Variants in CD27 observed in about 807,000 individuals in gnomAD.
The protein encoded by CD27 is CD27 antigen.
Under a neutral mutation model 25.9 loss-of-function variants are expected in CD27, and 16 were observed. That is an observed-to-expected ratio of 0.62 (90% CI 0.42 to 0.94). The LOEUF is 0.94. Among genes scored for constraint, CD27 ranks in the 40% least tolerant of loss-of-function variants. The pLI is 0.00. For synonymous variants in CD27, 142 were observed against 124.3 expected (o/e 1.14, Z -0.95); for missense variants, 300 against 333.2 (o/e 0.90, Z 0.78).
rs1207313894 is a variant in CD27 at position 6,450,802 on chromosome 12, G to A, written c.539-93G>A. The A allele has an allele frequency of 5.1e-6, 8 of 1,560,716 alleles. No homozygotes were observed. In the African/African-American group the frequency reaches 1.1e-4, roughly 21 times the overall value. On this transcript the variant is annotated intron_variant, in intron 4 of 5. Coordinates refer to ENST00000266557, the MANE Select transcript of CD27 (RefSeq NM_001242.5). This position sits in a 1 kb window ranked among gnomAD's most constrained non-coding sequence, Gnocchi z 4.1. The stretch of plus-strand genomic sequence containing the variant: ...GGCGGGTGGGATAGAATAAGGTGGG[G>A]GAAAGGGGAGAGGCAAGGTGACAGG...
chr12:6,444,109 C>T (rs1340631745), upstream of CD27, among the ~76,000 whole-genome samples: 2 of 152,150 alleles, frequency 1.3e-5, no homozygotes, highest in East Asian at 3.9e-4. Flanking sequence ...CAGTGACTGA[C>T]ACAGCCAGAG....
At position 6,450,783 on chromosome 12, in the gene CD27, T is replaced by A; in HGVS notation, c.539-112T>A. 6.7e-7 allele frequency: 1 copy of A among 1,503,106 alleles called. No homozygotes were observed. The highest frequency in any genetic ancestry group is 1.4e-5 in the African/African-American group (1 of 72,544). 93.1% of individuals were successfully genotyped at this position (1,503,106 alleles called of 1,614,324 possible). On this transcript the variant is annotated intron_variant, in intron 4 of 5. Coordinates refer to ENST00000266557, the MANE Select transcript of CD27 (RefSeq NM_001242.5). This position sits in a 1 kb window ranked among gnomAD's most constrained non-coding sequence, Gnocchi z 4.1. ...AGAGGAGTTGGCCAACGGTGGCGGG[T>A]GGGATAGAATAAGGTGGGGGAAAGG...
upstream of CD27, chr12:6,444,949 T>C (rs1592117181): frequency 1.3e-6 from 1 of 788,140 alleles, no homozygotes; most frequent in Admixed American, 3.2e-5. Flanking sequence ...ACAATAGAGA[T>C]TCTGCCTTCA....
At chr12:6,449,881 C>T (rs1949488612) in intron 2 of CD27, among the ~76,000 whole-genome samples, 1 of 152,080 alleles carries the variant, frequency 6.6e-6, no homozygotes, top group African/African-American at 2.4e-5. Context: ...AAAAATGTAT[C>T]AGGGAGTACA....
chr12:6,450,374 G>A lies in CD27; in HGVS notation c.448+22G>A. ...AGTGGTAAGTTCCAGGCAACTCTCT[G>A]TGCCATCACGTGGGGTAGCGGTGAT... On this transcript the variant is annotated intron_variant, in intron 3 of 5. Transcript: ENST00000266557. The surrounding 1 kb of genome is among the most constrained non-coding windows in gnomAD (Gnocchi z 4.1). 6.2e-7 allele frequency: 1 copy of A among 1,603,784 alleles called. No individual in the cohort carries two copies. Among genetic ancestry groups the A allele is most frequent in the Non-Finnish European group, 8.5e-7 (1 of 1,175,902 alleles).
Position 6,445,346 on chromosome 12 carries a change from G to T in CD27, c.137-78G>T, listed in dbSNP as rs1183329877. On this transcript the variant is annotated intron_variant, in intron 1 of 5. Transcript: ENST00000266557. This position sits in a 1 kb window ranked among gnomAD's most constrained non-coding sequence, Gnocchi z 4.5. The stretch of plus-strand genomic sequence containing the variant: ...CTCAAGCAAGGAGGGAAATCCTGCA[G>T]CTGTGGGGAGGCACCACCTTGAAGA... 6.2e-7 allele frequency: 1 copy of T among 1,608,378 alleles called. No individual in the cohort carries two copies. Among genetic ancestry groups the T allele is most frequent in the Non-Finnish European group, 8.5e-7 (1 of 1,175,948 alleles).
Position 6,450,911 on chromosome 12 carries a change from C to G in CD27, c.555C>G (p.Cys185Trp). Residue 185 changes from cysteine to tryptophan, a missense_variant, in exon 5 of 6, where the codon TGC (cysteine) becomes TGG (tryptophan). Coordinates refer to ENST00000266557, the MANE Select transcript of CD27 (RefSeq NM_001242.5). The surrounding 1 kb of genome is among the most constrained non-coding windows in gnomAD (Gnocchi z 4.1). ...STHWPPQRSL[C>W]SSDFIRILVI... is the part of the protein sequence containing the mutation. ...CTATTACAGCCCAAAGATCCCTGTG[C>G]AGCTCCGATTTTATTCGCATCCTTG... 1 of 1,614,166 alleles carries G rather than the reference C, an allele frequency of 6.2e-7. No homozygotes were observed.
At position 6,451,299 on chromosome 12, in the gene CD27, G is replaced by A; in HGVS notation, c.690G>A (p.Glu230=). Residue 230 remains glutamate, a synonymous_variant, in exon 6 of 6, where the codon GAG becomes GAA. Transcript: ENST00000266557. The part of the protein sequence containing the change: ...NKGESPVEPA[E]PCHYSCPREE... ...GAGAAAGTCCTGTGGAGCCTGCAGA[G>A]CCTTGTCATTACAGCTGCCCCAGGG... 1 of 1,614,010 alleles carries A rather than the reference G, an allele frequency of 6.2e-7. No homozygotes were observed. The highest frequency in any genetic ancestry group is 8.5e-7 in the Non-Finnish European group (1 of 1,179,948).
intron 2 of CD27, chr12:6,447,656 T>A (rs1592119057): frequency 1.3e-5 from 2 of 152,214 alleles, no homozygotes; most frequent in Admixed American, 6.5e-5. Flanking sequence ...AATTATACTT[T>A]AAGTTCTAGG....
Position 6,450,877 on chromosome 12 carries a change from T to C in CD27, c.539-18T>C. ...GCTAGACCCTCCCCTAACCCCTGTG[T>C]GTCCCCTCCTATTACAGCCCAAAGA... On this transcript the variant is annotated intron_variant, in intron 4 of 5. Transcript: ENST00000266557. This position sits in a 1 kb window ranked among gnomAD's most constrained non-coding sequence, Gnocchi z 4.1. 2 of 1,614,050 alleles carry C rather than the reference T, an allele frequency of 1.2e-6. No homozygotes were observed. Among genetic ancestry groups the C allele is most frequent in the Non-Finnish European group, 1.7e-6 (2 of 1,179,978 alleles).
rs1362246479 is a variant in CD27 at position 6,445,980 on chromosome 12, C to A, written c.268+425C>A. On this transcript the variant is annotated intron_variant, in intron 2 of 5. Transcript: ENST00000266557. The surrounding 1 kb of genome is among the most constrained non-coding windows in gnomAD (Gnocchi z 4.5). ...AACAAAGCAACCCAATAGGTAACAA[C>A]CTTTTTTTGCACAAAAGCCAATTTG... 6.6e-6 allele frequency among the ~76,000 whole-genome samples: 1 copy of A among 151,994 alleles called. No homozygotes were observed. The highest frequency in any genetic ancestry group is 1.5e-5 in the Non-Finnish European group (1 of 68,008).
chr12:6,451,373 A>T lies in CD27; in HGVS notation c.764A>T (p.Glu255Val), dbSNP rs1949544180. 1 of 1,613,260 alleles carries T rather than the reference A, an allele frequency of 6.2e-7. No individual in the cohort carries two copies. Among genetic ancestry groups the T allele is most frequent in the Non-Finnish European group, 8.5e-7 (1 of 1,179,974 alleles). The change falls in exon 6 of 6, where the codon GAG (glutamate) becomes GTG (valine). Residue 255 changes from glutamate (E) to valine (V), a missense_variant. Coordinates refer to ENST00000266557, the MANE Select transcript of CD27 (RefSeq NM_001242.5). ...ATCCAGGAGGATTACCGAAAACCGG[A>T]GCCTGCCTGCTCCCCCTGAGCCAGC... ...IPIQEDYRKPEPACSP is the reference protein window; with the variant it reads ...IPIQEDYRKPVPACSP
Position 6,451,652 on chromosome 12 carries a change from C to T in CD27, c.*260C>T. The T allele has an allele frequency of 4.5e-6, 2 of 447,088 alleles. No individual in the cohort carries two copies. Among genetic ancestry groups the T allele is most frequent in the East Asian group, 3.6e-5 (1 of 28,058 alleles). The allele number at this position is 447,088 out of a possible 1,614,324, so 27.7% of individuals were successfully genotyped here. On this transcript the variant is annotated 3_prime_UTR_variant, in exon 6 of 6. Coordinates refer to ENST00000266557, the MANE Select transcript of CD27 (RefSeq NM_001242.5). Reference sequence around the variant, plus strand: ...GCGGGGGCTCTGGTTGTAAAACACACTTCCTGCTGCGAAAGACCCACATGC... The same window carrying T: ...GCGGGGGCTCTGGTTGTAAAACACATTTCCTGCTGCGAAAGACCCACATGC...
rs1194243754 is a variant in CD27, at chr12:6,450,386, G to A, written c.448+34G>A. On this transcript the variant is annotated intron_variant, in intron 3 of 5. Transcript: ENST00000266557. The surrounding 1 kb of genome is among the most constrained non-coding windows in gnomAD (Gnocchi z 4.1). ...CAGGCAACTCTCTGTGCCATCACGT[G>A]GGGTAGCGGTGATACCCCAACCAGT... is the stretch of plus-strand genomic sequence containing the variant. 1 of 1,595,868 alleles carries A rather than the reference G, an allele frequency of 6.3e-7. No homozygotes were observed. The highest frequency in any genetic ancestry group is 1.7e-5 in the Admixed American group (1 of 59,668).
upstream of CD27, chr12:6,444,932 A>T: frequency 2.9e-6 from 2 of 700,664 alleles, no homozygotes; most frequent in Non-Finnish European, 4.5e-6. Flanking sequence ...AGAAAAAAAA[A>T]ACAGCCACAA....
rs773943561 is a variant in CD27 at position 6,450,380 on chromosome 12, T to C, written c.448+28T>C. ...AAGTTCCAGGCAACTCTCTGTGCCA[T>C]CACGTGGGGTAGCGGTGATACCCCA... On this transcript the variant is annotated intron_variant, in intron 3 of 5. Coordinates refer to ENST00000266557, the MANE Select transcript of CD27 (RefSeq NM_001242.5). The surrounding 1 kb of genome is among the most constrained non-coding windows in gnomAD (Gnocchi z 4.1). The C allele has an allele frequency of 6.2e-7, 1 of 1,602,100 alleles. No individual in the cohort carries two copies. The highest frequency in any genetic ancestry group is 1.1e-5 in the South Asian group (1 of 90,492).
At position 6,445,874 on chromosome 12, in the gene CD27, A is replaced by G. The variant is rs984201666; in HGVS notation, c.268+319A>G. Among the ~76,000 whole-genome samples the G allele has an allele frequency of 6.6e-6, 1 of 152,126 alleles. No individual in the cohort carries two copies. The highest frequency in any genetic ancestry group is 2.4e-5 in the African/African-American group (1 of 41,426). ...CCAGATTTCGGGCAAGCAACCCCCA[A>G]CCAATAAACTGACTGTGTTCCCAGA... On this transcript the variant is annotated intron_variant, in intron 2 of 5. Coordinates refer to ENST00000266557, the MANE Select transcript of CD27 (RefSeq NM_001242.5). The surrounding 1 kb of genome is among the most constrained non-coding windows in gnomAD (Gnocchi z 4.5).
Position 6,450,999 on chromosome 12 carries a change from A to C in CD27, c.643A>C (p.Arg215=). 1 of 1,614,096 alleles carries C rather than the reference A, an allele frequency of 6.2e-7. No individual in the cohort carries two copies. The highest frequency in any genetic ancestry group is 8.5e-7 in the Non-Finnish European group (1 of 1,179,998). ...CGGGGCCCTGTTCCTCCATCAACGA[A>C]GGAAATATAGATCAAGTAAGAGACA... is the stretch of plus-strand genomic sequence containing the variant. The part of the protein sequence containing the change: ...LAGALFLHQR[R]KYRSNKGESP... Residue 215 remains arginine, a synonymous_variant, in exon 5 of 6, where the codon AGG becomes CGG. Transcript: ENST00000266557. The surrounding 1 kb of genome is among the most constrained non-coding windows in gnomAD (Gnocchi z 4.1).
intron 2 of CD27, among the ~76,000 whole-genome samples, 198 bp from the exon 3 acceptor site, chr12:6,449,975 C>A (rs914133973): frequency 6.6e-6 from 1 of 152,134 alleles, no homozygotes; most frequent in Non-Finnish European, 1.5e-5. Context: ...GTCCAACTTT[C>A]TTCTTTAATA....
Sources: allele counts gnomAD v4.1 joint callset (sites outside exome capture counted in the v4.1 genomes callset), GRCh38; gene constraint gnomAD v4.1.1; non-coding constraint Gnocchi (gnomAD v3.1); transcripts MANE v1.5; gene names NCBI Gene and HGNC (gene_info 2026-07-23, HGNC 2026-07-21).